Variants in MTR observed in about 807,000 individuals in gnomAD.
MTR encodes methionine synthase.
In MTR, 84 loss-of-function variants were observed where a neutral mutation model predicts 154.8. The ratio of observed to expected loss-of-function variants is 0.54; its 90% CI spans 0.45 to 0.65. The LOEUF is 0.65. Ranked by LOEUF, MTR falls within the 30% of genes least tolerant of loss-of-function variation. The pLI, the probability that MTR is intolerant of heterozygous loss-of-function variation, is 0.00. For missense variants in MTR, 1,275 were observed against 1,570.2 expected (o/e 0.81, Z 3.18); for synonymous variants, 554 against 553.9 (o/e 1.00, Z 0.00).
intron 25 of MTR, among the ~76,000 whole-genome samples, chr1:236,881,424 G>A (rs1328819767): frequency 6.6e-6 from 1 of 152,112 alleles, no homozygotes; most frequent in Non-Finnish European, 1.5e-5. Context: ...GCACCCGAGA[G>A]GCAGTGTGGT....
chr1:236,817,910 C>G (rs1661693288), intron 8 of MTR, among the ~76,000 whole-genome samples: 1 of 152,072 alleles, frequency 6.6e-6, no homozygotes, highest in Non-Finnish European at 1.5e-5. Context: ...CCTGAGCAGT[C>G]TCTTCATCTT....
intron 27 of MTR, among the ~76,000 whole-genome samples, chr1:236,887,601 C>T (rs959011361): frequency 2.6e-5 from 4 of 152,204 alleles, no homozygotes; most frequent in African/African-American, 9.6e-5. Context: ...TGGAAATACC[C>T]TCCAAAGGCC....
intron 1 of MTR, among the ~76,000 whole-genome samples, chr1:236,797,020 A>T (rs1660430815): frequency 7.8e-6 from 1 of 128,672 alleles, no homozygotes; most frequent in African/African-American, 3.7e-5. Flanking sequence ...GAGTGATTTA[A>T]AAAAAAAAAA....
chr1:236,890,557 T>A (rs1666259528), intron 28 of MTR, among the ~76,000 whole-genome samples: 1 of 152,198 alleles, frequency 6.6e-6, no homozygotes, highest in Non-Finnish European at 1.5e-5. Flanking sequence ...CCTGGACGCA[T>A]ACAGTGAGGA....
At chr1:236,857,151 T>C (rs1051176701) in intron 18 of MTR, among the ~76,000 whole-genome samples, 2 of 152,196 alleles carry the variant, frequency 1.3e-5, no homozygotes, top group African/African-American at 4.8e-5. Context: ...CCATCAGCAG[T>C]GTAAAAGCAT....
intron 9 of MTR, among the ~76,000 whole-genome samples, chr1:236,824,915 A>G (rs1662189784): frequency 6.6e-6 from 1 of 152,214 alleles, no homozygotes; most frequent in Non-Finnish European, 1.5e-5. Flanking sequence ...AATTTATTTG[A>G]AAGGAGACTG....
chr1:236,891,082 A>G (rs777029502), intron 28 of MTR, 51 bp from the exon 29 acceptor site: 1 of 1,587,918 alleles, frequency 6.3e-7, no homozygotes, highest in Non-Finnish European at 8.6e-7. Context: ...GCATTGTTTG[A>G]TGGTTATTTT....
chr1:236,835,961 G>A (rs1027137869), intron 14 of MTR, among the ~76,000 whole-genome samples: 11 of 152,116 alleles, frequency 7.2e-5, no homozygotes, highest in African/African-American at 2.4e-4. Context: ...TGTCTGGACA[G>A]ACTAACAACC....
intron 16 of MTR, 150 bp downstream of exon 16, chr1:236,850,673 A>AT (rs1358415188): frequency 6.4e-5 from 49 of 767,652 alleles, no homozygotes; most frequent in Non-Finnish European, 8.0e-5. Context: ...AGGAGACCTT[A>AT]TTTTTTTTCT....
chr1:236,859,843 C>A lies in MTR; in HGVS notation c.1964C>A (p.Thr655Lys). Residue 655 changes from threonine to lysine, a missense_variant, in exon 19 of 33, where the codon ACA becomes AAA. Transcript: ENST00000366577. ...KLLRYAQTQG[T>K]GGKKVIQTDE... ...TCAATTTCAATTCAGACTCAAGGCA[C>A]AGGAGGGAAGAAAGTCATTCAGACT... 1.9e-6 allele frequency: 3 copies of A among 1,613,780 alleles called. No individual in the cohort carries two copies. The highest frequency in any genetic ancestry group is 1.7e-6 in the Non-Finnish European group (2 of 1,179,742).
chr1:236,806,266 G>T, intron 3 of MTR, 33 bp downstream of exon 3: 1 of 1,558,626 alleles, frequency 6.4e-7, no homozygotes, highest in Non-Finnish European at 8.9e-7. Flanking sequence ...TGTCTAAGAT[G>T]CTTACGAGCG....
Position 236,891,118 on chromosome 1 carries a change from C to T in MTR, c.3008-15C>T. On this transcript the variant is annotated splice_polypyrimidine_tract_variant and intron_variant, in intron 28 of 32. Coordinates refer to ENST00000366577, the MANE Select transcript of MTR (RefSeq NM_000254.3). Reference sequence around the variant, plus strand: ...TGGCATCTTTAAGTGAATTCTAATTCTGTTTTTCTAATAGGTGGAGAGGCC... The same window carrying T: ...TGGCATCTTTAAGTGAATTCTAATTTTGTTTTTCTAATAGGTGGAGAGGCC... 1 of 1,613,934 alleles carries T rather than the reference C, an allele frequency of 6.2e-7. No individual in the cohort carries two copies. Among genetic ancestry groups the T allele is most frequent in the Non-Finnish European group, 8.5e-7 (1 of 1,179,846 alleles).
chr1:236,883,766 G>T (rs904381545), intron 25 of MTR, among the ~76,000 whole-genome samples: 1 of 152,142 alleles, frequency 6.6e-6, no homozygotes, highest in African/African-American at 2.4e-5. Context: ...CTAACTCATA[G>T]GTGATTGGAT....
rs371132663 is a variant in MTR at position 236,816,505 on chromosome 1, G to A, written c.726G>A (p.Glu242=). Residue 242 remains glutamate (E), a synonymous_variant, in exon 8 of 33, where the codon GAG becomes GAA. Transcript: ENST00000366577. ...SGRTLSGQTG[E]GFVISVSHGE... ...GGACTCTTTCCGGACAGACAGGAGA[G>A]GGATTTGTCATCAGCGTGTCTCATG... 8.1e-6 allele frequency: 13 copies of A among 1,614,124 alleles called. No individual in the cohort carries two copies. The highest frequency in any genetic ancestry group is 1.1e-5 in the Non-Finnish European group (13 of 1,179,984).
At chr1:236,863,738 T>G (rs989996654) in intron 22 of MTR, among the ~76,000 whole-genome samples, 184 bp downstream of exon 22, 1 of 152,192 alleles carries the variant, frequency 6.6e-6, no homozygotes, top group Non-Finnish European at 1.5e-5. Flanking sequence ...TCAAATGAAA[T>G]AAGTTAGTAA....
chr1:236,820,111 A>G (rs1661838838), intron 8 of MTR: 3 of 768,086 alleles, frequency 3.9e-6, no homozygotes, highest in South Asian at 2.7e-5. Context: ...CTATGTGGAC[A>G]TTGCCATTGC....
rs1418837838 is a variant in MTR, at chr1:236,850,395, C to T, written c.1567C>T (p.Leu523Phe). ...AGTGTGCACCCGGGCCTACCATCTG[C>T]TTGTGAAAAAACTGGGCTTTAATCC... is the stretch of plus-strand genomic sequence containing the variant. ...IRVCTRAYHL[L>F]VKKLGFNPND... Residue 523 changes from leucine (L) to phenylalanine (F), a missense_variant, in exon 16 of 33, where the codon CTT becomes TTT. Physicochemically the swap from Leu to Phe is conservative, Grantham distance 22 (BLOSUM62 0). Transcript: ENST00000366577. 1 of 1,613,602 alleles carries T rather than the reference C, an allele frequency of 6.2e-7. No individual in the cohort carries two copies. Among genetic ancestry groups the T allele is most frequent in the Non-Finnish European group, 8.5e-7 (1 of 1,179,940 alleles).
At chr1:236,855,184 A>C (rs1664135738) in intron 18 of MTR, among the ~76,000 whole-genome samples, 1 of 152,188 alleles carries the variant, frequency 6.6e-6, no homozygotes, top group Non-Finnish European at 1.5e-5. Flanking sequence ...ATCTTTTATA[A>C]GAGAATGATC....
At chr1:236,820,286 C>T (rs533224522) in intron 8 of MTR, 4 of 753,642 alleles carry the variant, frequency 5.3e-6, no homozygotes, top group Admixed American at 1.7e-5. Context: ...CAGGCTGCTA[C>T]TGAAAAGACT....
Sources: allele counts gnomAD v4.1 joint callset (sites outside exome capture counted in the v4.1 genomes callset), GRCh38; gene constraint gnomAD v4.1.1; transcripts MANE v1.5; gene names NCBI Gene and HGNC (gene_info 2026-07-23, HGNC 2026-07-21).